Variants in LZTS1 observed in about 807,000 individuals in gnomAD.
LZTS1 encodes leucine zipper putative tumor suppressor 1.
Under a neutral mutation model 45.8 loss-of-function variants are expected in LZTS1, and 31 were observed. The ratio of observed to expected loss-of-function variants is 0.68; its 90% CI spans 0.51 to 0.91. The LOEUF is 0.91. LZTS1 is among the 40% of genes least tolerant of loss of function. LZTS1 has a pLI of 0.00. For synonymous variants in LZTS1, 359 were observed against 357.3 expected (o/e 1.00, Z -0.05); for missense variants, 821 against 788.9 (o/e 1.04, Z -0.49).
At chr8:20,267,762 G>A (rs546796701) in intron 1 of LZTS1, among the ~76,000 whole-genome samples, 1 of 152,036 alleles carries the variant, frequency 6.6e-6, no homozygotes, top group Non-Finnish European at 1.5e-5. Flanking sequence ...TGATCCACCC[G>A]ACTCGGACTC....
chr8:20,293,909 C>A (rs1800940490), intron 1 of LZTS1, among the ~76,000 whole-genome samples: 1 of 151,974 alleles, frequency 6.6e-6, no homozygotes, highest in South Asian at 2.1e-4. Flanking sequence ...GACAACAGAG[C>A]ATGACTCTGC....
At chr8:20,263,222 A>G (rs916958922) in intron 1 of LZTS1, among the ~76,000 whole-genome samples, 1 of 152,134 alleles carries the variant, frequency 6.6e-6, no homozygotes, top group African/African-American at 2.4e-5. Context: ...TTGAACTTGG[A>G]AGCAGGCGGA....
intron 1 of LZTS1, among the ~76,000 whole-genome samples, chr8:20,299,030 G>A (rs1010152454): frequency 5.3e-5 from 8 of 152,186 alleles, no homozygotes; most frequent in Non-Finnish European, 1.2e-4. Context: ...CTCCAACCCT[G>A]GGAGGAGGGA....
intron 1 of LZTS1, among the ~76,000 whole-genome samples, chr8:20,259,377 A>G (rs1800177615): frequency 6.6e-6 from 1 of 152,226 alleles, no homozygotes; most frequent in South Asian, 2.1e-4. Context: ...GGCTATTGAC[A>G]GTATCAGTGC....
chr8:20,298,495 G>A (rs1468913996), intron 1 of LZTS1, among the ~76,000 whole-genome samples: 1 of 152,132 alleles, frequency 6.6e-6, no homozygotes, highest in African/African-American at 2.4e-5. Flanking sequence ...GTAAAGTCCT[G>A]TACAAGTAAA....
intron 1 of LZTS1, among the ~76,000 whole-genome samples, chr8:20,259,367 G>A (rs184789868): frequency 1.3e-5 from 2 of 152,172 alleles, no homozygotes; most frequent in African/African-American, 4.8e-5. Context: ...CACCGCTGGA[G>A]GCTATTGACA....
chr8:20,255,290 T>A lies in LZTS1; in HGVS notation c.-109A>T. On this transcript the variant is annotated 5_prime_UTR_variant, in exon 2 of 4. Transcript: ENST00000381569. ...GGGGACTGAGGTCATAGCAAAGCCC[T>A]CACAGAGCCTGCGAGAGCCGTAGAC... The A allele has an allele frequency of 6.9e-7, 1 of 1,455,950 alleles. No individual in the cohort carries two copies. Among genetic ancestry groups the A allele is most frequent in the South Asian group, 1.4e-5 (1 of 69,594 alleles). The allele number at this position is 1,455,950 out of a possible 1,614,324, so 90.2% of individuals were successfully genotyped here. A position where few individuals can be genotyped will look rare whatever the true frequency, so the allele number is the denominator to read the frequency against.
At chr8:20,303,211 T>C (rs1042623320) in intron 1 of LZTS1, among the ~76,000 whole-genome samples, 5 of 152,274 alleles carry the variant, frequency 3.3e-5, no homozygotes, top group Non-Finnish European at 7.4e-5. Context: ...GTGTGACTTA[T>C]TCCTTGAGGG....
intron 3 of LZTS1, among the ~76,000 whole-genome samples, chr8:20,251,098 AATATATATATATATATATATATAT>A (rs527759585): frequency 0.11 from 4,517 of 41,332 alleles, 265 homozygotes; most frequent in East Asian, 0.22. Flanking sequence ...CCTGAGGGCT[AATATATATATATATATATATATAT>A]ATATATATAT....
intron 1 of LZTS1, among the ~76,000 whole-genome samples, chr8:20,296,772 T>G (rs1421007943): frequency 6.6e-6 from 1 of 152,186 alleles, no homozygotes; most frequent in Non-Finnish European, 1.5e-5. Flanking sequence ...GGCAGCCCTA[T>G]CTTCTCCCAC....
In LZTS1 at chr8:20,246,402, C is replaced by T. The variant is rs1039591362; in HGVS notation, c.*3320G>A. On this transcript the variant is annotated 3_prime_UTR_variant, in exon 4 of 4. Transcript: ENST00000381569. ...CCTGCAGGCGCAGCACAAAGGCCAC[C>T]TTGCACAAGAGGTGGGTGAGCAGCC... The T allele has an allele frequency of 6.6e-6, 1 of 152,280 alleles. No homozygotes were observed. Among genetic ancestry groups the T allele is most frequent in the African/African-American group, 2.4e-5 (1 of 41,458 alleles). The allele number at this position is 152,280 out of a possible 1,614,324, so 9.4% of individuals were successfully genotyped here. A position where few individuals can be genotyped will look rare whatever the true frequency, so the allele number is the denominator to read the frequency against.
chr8:20,278,554 T>A (rs1249824000), intron 1 of LZTS1, among the ~76,000 whole-genome samples: 1 of 152,212 alleles, frequency 6.6e-6, no homozygotes, highest in Non-Finnish European at 1.5e-5. Flanking sequence ...ATTCCTGCCC[T>A]GATAGTTGTT....
At chr8:20,300,331 G>A (rs1801053218) in intron 1 of LZTS1, among the ~76,000 whole-genome samples, 1 of 151,940 alleles carries the variant, frequency 6.6e-6, no homozygotes. Flanking sequence ...AGCCAACACT[G>A]TATTTTTTTT....
intron 1 of LZTS1, among the ~76,000 whole-genome samples, chr8:20,281,474 G>A (rs12547641): frequency 0.22 from 33,163 of 151,876 alleles, 4,430 homozygotes; most frequent in East Asian, 0.39. Flanking sequence ...TCGGGAGGCC[G>A]AGGCAGGAGA....
chr8:20,251,011 T>C (rs2128891359), intron 3 of LZTS1, among the ~76,000 whole-genome samples: 1 of 149,678 alleles, frequency 6.7e-6, no homozygotes, highest in Middle Eastern at 3.4e-3. Context: ...GTAGGTACTA[T>C]TAGTAGTCCT....
intron 1 of LZTS1, among the ~76,000 whole-genome samples, chr8:20,266,629 G>C (rs1800362619): frequency 6.6e-6 from 1 of 152,138 alleles, no homozygotes; most frequent in African/African-American, 2.4e-5. Context: ...CAGAGTTTCT[G>C]TTTTTGAGGA....
intron 1 of LZTS1, among the ~76,000 whole-genome samples, chr8:20,285,081 T>C (rs1800764770): frequency 3.3e-5 from 5 of 152,362 alleles, no homozygotes; most frequent in Admixed American, 3.3e-4. Context: ...TGAGGATCAA[T>C]GATACAATGG....
chr8:20,298,942 G>A (rs192478155), intron 1 of LZTS1, among the ~76,000 whole-genome samples: 52 of 152,310 alleles, frequency 3.4e-4, no homozygotes, highest in Admixed American at 3.4e-3. Flanking sequence ...AGAGGGCTTT[G>A]CCAAATGGCA....
chr8:20,278,064 A>G (rs1800619218), intron 1 of LZTS1, among the ~76,000 whole-genome samples: 1 of 152,154 alleles, frequency 6.6e-6, no homozygotes, highest in Non-Finnish European at 1.5e-5. Flanking sequence ...CAGGAATGTC[A>G]GGTGACCATC....
Sources: gnomAD v4.1 joint callset for allele counts (sites outside exome capture counted in the v4.1 genomes callset) on GRCh38, gnomAD v4.1.1 for gene constraint, MANE v1.5 for transcripts, NCBI Gene and HGNC (gene_info 2026-07-23, HGNC 2026-07-21) for gene names.